The following MID1 variants were observed in gnomAD, a reference collection of about 807,000 sequenced individuals.
MID1 encodes the protein midline 1, also known as E3 ubiquitin-protein ligase Midline-1.
MID1 carries 7 observed loss-of-function variants against 40.4 expected under a neutral mutation model. The observed-to-expected ratio is 0.17, with a 90% CI of 0.10 to 0.33. MID1 has a LOEUF of 0.33. Among genes scored for constraint, MID1 ranks in the 10% least tolerant of loss-of-function variants. The pLI, the probability that MID1 is intolerant of heterozygous loss-of-function variation, is 1.00. For synonymous variants in MID1, 229 were observed against 221.2 expected, an observed-to-expected ratio of 1.04 and a Z score of -0.31; for missense variants, 367 against 558.5, an observed-to-expected ratio of 0.66 and a Z score of 3.46.
intron 1 of MID1, among the ~76,000 whole-genome samples, chrX:10,616,496 C>T (rs1935841442): frequency 9.0e-6 from 1 of 111,674 alleles, no homozygotes; most frequent in African/African-American, 3.3e-5. Flanking sequence ...AACTAAATCC[C>T]CTCCTTTCAC....
In MID1 at chrX:10,566,813, T is replaced by C. The variant is rs1021383811; in HGVS notation, c.660+75A>G. 38 of 1,054,337 alleles carry C rather than the reference T, an allele frequency of 3.6e-5. No individual in the cohort carries two copies. In the African/African-American group the frequency reaches 5.0e-4, roughly 14 times the overall value. The allele number at this position is 1,054,337 out of a possible 1,213,427, so 86.9% of individuals were successfully genotyped here. Reference sequence around the variant, plus strand: ...AGAAAACCTTCACCTGCCATGTAGCTAGCAGTGAATACACTTTTTATTTCC... The same window carrying C: ...AGAAAACCTTCACCTGCCATGTAGCCAGCAGTGAATACACTTTTTATTTCC... On this transcript the variant is annotated intron_variant, in intron 2 of 9. Coordinates refer to ENST00000317552, the MANE Select transcript of MID1 (RefSeq NM_000381.4).
chrX:10,661,433 C>T (rs1405558988), intron 1 of MID1, among the ~76,000 whole-genome samples: 1 of 109,424 alleles, frequency 9.1e-6, no homozygotes, highest in Non-Finnish European at 1.9e-5. Flanking sequence ...CTGCCTCAGC[C>T]TCCCGAGTAG....
chrX:10,451,938 C>T (rs892388616), intron 9 of MID1, among the ~76,000 whole-genome samples: 1 of 111,958 alleles, frequency 8.9e-6, no homozygotes, highest in Admixed American at 9.5e-5. Context: ...GAAAGGTTTT[C>T]ATTTTGCAAT....
chrX:10,461,744 G>C (rs1380312645), intron 7 of MID1, among the ~76,000 whole-genome samples: 2 of 112,197 alleles, frequency 1.8e-5, no homozygotes, highest in African/African-American at 6.5e-5. Flanking sequence ...GTCAATGGCA[G>C]TCAGCCACGA....
intron 6 of MID1, among the ~76,000 whole-genome samples, chrX:10,472,048 A>G (rs934648780): frequency 2.7e-5 from 3 of 112,665 alleles, no homozygotes; most frequent in African/African-American, 6.4e-5. Flanking sequence ...AATTTAGTGT[A>G]AATGAGAACA....
chrX:10,507,650 G>A (rs1019697626), intron 3 of MID1, among the ~76,000 whole-genome samples: 2 of 112,261 alleles, frequency 1.8e-5, no homozygotes, highest in Non-Finnish European at 3.8e-5. Flanking sequence ...ATTAATTGGA[G>A]GTTATGCCTG....
intron 9 of MID1, among the ~76,000 whole-genome samples, chrX:10,450,520 T>C (rs1187855807): frequency 1.8e-5 from 2 of 112,598 alleles, no homozygotes; most frequent in African/African-American, 6.5e-5. Flanking sequence ...ATTTATTTTA[T>C]TATTATTGCC....
intron 2 of MID1, among the ~76,000 whole-genome samples, chrX:10,539,170 G>A (rs1041573975): frequency 1.8e-5 from 2 of 111,937 alleles, no homozygotes; most frequent in African/African-American, 6.5e-5. Context: ...TTCTTCCAAT[G>A]TAACATTATT....
At chrX:10,517,252 T>C (rs1489146704) in intron 3 of MID1, among the ~76,000 whole-genome samples, 1 of 111,334 alleles carries the variant, frequency 9.0e-6, no homozygotes, top group African/African-American at 3.3e-5. Context: ...GGAATGCTCA[T>C]ACCCAAATAC....
At chrX:10,482,323 C>T (rs916092943) in intron 5 of MID1, among the ~76,000 whole-genome samples, 157 bp downstream of exon 5, 3 of 111,751 alleles carry the variant, frequency 2.7e-5, no homozygotes, top group Non-Finnish European at 5.6e-5. Flanking sequence ...CAAAAGGAAG[C>T]ATCTTTAGCT....
At chrX:10,641,807 G>A (rs969670067) in intron 1 of MID1, among the ~76,000 whole-genome samples, 2 of 111,434 alleles carry the variant, frequency 1.8e-5, no homozygotes, top group South Asian at 3.9e-4. Context: ...ACATCAAAAC[G>A]TTTATCCACC....
At chrX:10,773,423 C>T (rs959527568) in intron 1 of MID1, among the ~76,000 whole-genome samples, 1 of 112,286 alleles carries the variant, frequency 8.9e-6, no homozygotes, top group Admixed American at 9.5e-5. Flanking sequence ...AAGAGAAGAG[C>T]AGATTTAGTA....
At chrX:10,494,771 CA>C (rs58092232) in intron 4 of MID1, among the ~76,000 whole-genome samples, 1,001 of 31,962 alleles carry the variant, frequency 0.031, 3 homozygotes, top group African/African-American at 0.056. Context: ...AAGACTGTCT[CA>C]AAAAAAAAAA....
chrX:10,614,946 A>G (rs920480872), intron 1 of MID1, among the ~76,000 whole-genome samples: 1 of 112,070 alleles, frequency 8.9e-6, no homozygotes, highest in African/African-American at 3.2e-5. Context: ...CTCCTAAAAC[A>G]TAAAGTATTC....
chrX:10,501,178 G>A (rs935233397), intron 3 of MID1, among the ~76,000 whole-genome samples: 3 of 111,520 alleles, frequency 2.7e-5, no homozygotes, highest in Non-Finnish European at 5.7e-5. Flanking sequence ...GTGTGGTGGC[G>A]CATGCCTATA....
At chrX:10,526,822 G>A (rs1240184909) in intron 2 of MID1, among the ~76,000 whole-genome samples, 1 of 111,759 alleles carries the variant, frequency 8.9e-6, no homozygotes, top group Non-Finnish European at 1.9e-5. Flanking sequence ...AAGAATTACC[G>A]AGTCAGTTAG....
At chrX:10,797,441 C>A (rs2043974620) in intron 1 of MID1, among the ~76,000 whole-genome samples, 2 of 111,901 alleles carry the variant, frequency 1.8e-5, no homozygotes, top group African/African-American at 6.5e-5. Flanking sequence ...AGAAATTCTA[C>A]AATGAATGCC....
chrX:10,721,801 G>T (rs1023178199), intron 1 of MID1, among the ~76,000 whole-genome samples: 1 of 111,180 alleles, frequency 9.0e-6, no homozygotes, highest in Non-Finnish European at 1.9e-5. Flanking sequence ...AAGCATGGTG[G>T]CTTGTGCCTA....
intron 7 of MID1, among the ~76,000 whole-genome samples, chrX:10,465,214 T>TACACACACACACACAC (rs775197915): frequency 1.3e-4 from 5 of 39,900 alleles, no homozygotes; most frequent in African/African-American, 4.2e-4. Flanking sequence ...TATATATATA[T>TACACACACACACACAC]ACACACACAC....
Sources: gnomAD v4.1 joint callset for allele counts (sites outside exome capture counted in the v4.1 genomes callset) on GRCh38, gnomAD v4.1.1 for gene constraint, MANE v1.5 for transcripts, NCBI Gene and HGNC (gene_info 2026-07-23, HGNC 2026-07-21) for gene names.